Variants in CHN2 observed in about 807,000 individuals in gnomAD.
The protein encoded by CHN2 is chimerin 2.
In CHN2, 35 loss-of-function variants were observed where a neutral mutation model predicts 56.3. The observed-to-expected ratio is 0.62, with a 90% CI of 0.47 to 0.82. The LOEUF (loss-of-function observed/expected upper bound fraction) is 0.82, where lower values mean the gene tolerates loss of function less well. CHN2 is among the 40% of genes least tolerant of loss of function. The pLI is 0.00. For missense variants in CHN2, 491 were observed against 580.5 expected, an observed-to-expected ratio of 0.85 and a Z score of 1.58; for synonymous variants, 210 against 212.8, an observed-to-expected ratio of 0.99 and a Z score of 0.12.
At chr7:29,487,169 G>T in intron 7 of CHN2, among the ~76,000 whole-genome samples, 1 of 151,848 alleles carries the variant, frequency 6.6e-6, no homozygotes, top group Non-Finnish European at 1.5e-5. Flanking sequence ...ATTGACACAG[G>T]CAGAAATTGG....
rs75990102 is a variant in CHN2 at position 29,422,672 on chromosome 7, T to A, written c.576+21844T>A. On this transcript the variant is annotated intron_variant, in intron 6 of 12. Coordinates refer to ENST00000222792, the MANE Select transcript of CHN2 (RefSeq NM_004067.4). ...AAATAAACTCTTTGGAATCATGTGG[T>A]ATTTCTACGAGATGTCAGGGCTATT... 3.3e-5 allele frequency among the ~76,000 whole-genome samples: 5 copies of A among 152,372 alleles called. No homozygotes were observed. In the East Asian group the frequency reaches 9.6e-4, roughly 29 times the overall value.
rs1170381951 is a variant in CHN2, at chr7:29,194,780, A to C, written c.-162A>C. On this transcript the variant is annotated 5_prime_UTR_variant, in exon 1 of 13. Transcript: ENST00000222792. ...GCGGCGGCAGCGCGTCATCTGGTGG[A>C]GCAGGAAGTGCAGGCAGAGTCCGGA... 2.6e-5 allele frequency: 13 copies of C among 506,880 alleles called. No individual in the cohort carries two copies. Among genetic ancestry groups the C allele is most frequent in the Non-Finnish European group, 4.1e-5 (13 of 314,314 alleles). The allele number at this position is 506,880 out of a possible 1,614,324, so 31.4% of individuals were successfully genotyped here. A position where few individuals can be genotyped will look rare whatever the true frequency, so the allele number is the denominator to read the frequency against.
At chr7:29,274,343 A>G (rs1791001303) in intron 1 of CHN2, among the ~76,000 whole-genome samples, 1 of 152,152 alleles carries the variant, frequency 6.6e-6, no homozygotes, top group Non-Finnish European at 1.5e-5. Flanking sequence ...CCTCTTCACA[A>G]TTACCAAAGG....
At chr7:29,438,875 G>A (rs1562607428) in intron 6 of CHN2, among the ~76,000 whole-genome samples, 1 of 152,146 alleles carries the variant, frequency 6.6e-6, no homozygotes, top group African/African-American at 2.4e-5. Context: ...AGAAACAATT[G>A]TTTAGAACTA....
At chr7:29,484,454 C>T (rs1346943352) in intron 7 of CHN2, among the ~76,000 whole-genome samples, 1 of 152,198 alleles carries the variant, frequency 6.6e-6, no homozygotes, top group Non-Finnish European at 1.5e-5. Context: ...AGAGAAACTG[C>T]CCTGCAGCTC....
At position 29,483,022 on chromosome 7, in the gene CHN2, C is replaced by T. The variant is rs1787499813; in HGVS notation, c.654+2666C>T. ...ATTTTTAGTAGAAACGGGGTTTCAC[C>T]GTGTTAGCCAAGATGGTCTCGATCT... On this transcript the variant is annotated intron_variant, in intron 7 of 12. Transcript: ENST00000222792. Among the ~76,000 whole-genome samples, 6 of 151,464 alleles carry T rather than the reference C, an allele frequency of 4.0e-5. No individual in the cohort carries two copies. The South Asian group carries it at 1.3e-3, about 32-fold the overall frequency.
intron 1 of CHN2, among the ~76,000 whole-genome samples, chr7:29,299,276 G>A (rs949783608): frequency 6.6e-6 from 1 of 152,156 alleles, no homozygotes; most frequent in African/African-American, 2.4e-5. Context: ...GTACTGATCC[G>A]TGGTGATTTC....
chr7:29,187,367 C>T (rs1020433308), intron 2 of CHN2, among the ~76,000 whole-genome samples: 2 of 150,098 alleles, frequency 1.3e-5, no homozygotes, highest in East Asian at 3.9e-4. Flanking sequence ...GTGTGTGTGA[C>T]AAAGAGAGAG....
chr7:29,214,341 A>C (rs1785180566), intron 1 of CHN2, among the ~76,000 whole-genome samples: 1 of 152,174 alleles, frequency 6.6e-6, no homozygotes, highest in South Asian at 2.1e-4. Context: ...CAGGAGCTGG[A>C]GTACCCTCTC....
exon 2 of CHN2, chr7:29,146,944 T>C: frequency 1.3e-6 from 2 of 1,551,138 alleles, no homozygotes; most frequent in Non-Finnish European, 1.7e-6. Flanking sequence ...ATGGTCTACA[T>C]TCCAGCTGCA....
At chr7:29,285,876 G>T (rs890620409) in intron 1 of CHN2, among the ~76,000 whole-genome samples, 1 of 152,154 alleles carries the variant, frequency 6.6e-6, no homozygotes, top group Admixed American at 6.5e-5. Context: ...CAGGGCTGAG[G>T]TCAGAGCCCT....
chr7:29,192,776 A>G (rs1373240186), upstream of CHN2: 1 of 152,230 alleles, frequency 6.6e-6, no homozygotes, highest in Non-Finnish European at 1.5e-5. Flanking sequence ...TTCGCAGCTA[A>G]GTGACAGAAC....
At chr7:29,198,020 G>T (rs541246409) in intron 1 of CHN2, 5 of 456,152 alleles carry the variant, frequency 1.1e-5, no homozygotes, top group African/African-American at 4.0e-5. Context: ...TCTTTCTTGG[G>T]AAAGTTATGC....
chr7:29,265,477 C>G (rs546050842), intron 1 of CHN2, among the ~76,000 whole-genome samples: 2 of 152,310 alleles, frequency 1.3e-5, no homozygotes, highest in South Asian at 4.1e-4. Context: ...GCTGAGCAGG[C>G]TGTGAATGAA....
At chr7:29,441,801 G>A (rs935568167) in intron 6 of CHN2, among the ~76,000 whole-genome samples, 3 of 152,164 alleles carry the variant, frequency 2.0e-5, no homozygotes, top group Non-Finnish European at 4.4e-5. Flanking sequence ...TGAGGATGTG[G>A]AGAAATCAGA....
intron 6 of CHN2, among the ~76,000 whole-genome samples, chr7:29,444,892 G>A (rs1388859800): frequency 6.6e-6 from 1 of 152,208 alleles, no homozygotes; most frequent in East Asian, 1.9e-4. Context: ...TTAGTTTCTA[G>A]CAGGCATTCG....
At chr7:29,234,537 A>T (rs1474819166) in intron 1 of CHN2, among the ~76,000 whole-genome samples, 1 of 152,172 alleles carries the variant, frequency 6.6e-6, no homozygotes, top group African/African-American at 2.4e-5. Context: ...TGAGGTTTTA[A>T]TGGTGAGCAT....
chr7:29,263,355 A>G (rs1262396643), intron 1 of CHN2, among the ~76,000 whole-genome samples: 4 of 152,142 alleles, frequency 2.6e-5, no homozygotes, highest in South Asian at 2.1e-4. Context: ...GCTGGAGTGC[A>G]GTGGCGTGAT....
At chr7:29,331,022 T>C (rs1285384121) in intron 1 of CHN2, among the ~76,000 whole-genome samples, 1 of 151,950 alleles carries the variant, frequency 6.6e-6, no homozygotes, top group African/African-American at 2.4e-5. Context: ...AGAGACAGAG[T>C]TATGGAAAAT....
Sources: allele counts gnomAD v4.1 joint callset (sites outside exome capture counted in the v4.1 genomes callset), GRCh38; gene constraint gnomAD v4.1.1; transcripts MANE v1.5; gene names NCBI Gene and HGNC (gene_info 2026-07-23, HGNC 2026-07-21).